Variants in KGD4 observed in about 807,000 individuals in gnomAD.
KGD4 encodes the protein alpha-ketoglutarate dehydrogenase component 4.
chr5:69,224,283 C>T, the KGD4 span, among the ~76,000 whole-genome samples: 36 of 150,646 alleles, frequency 2.4e-4, 1 homozygote, highest in African/African-American at 8.0e-4. Context: ...CCTGGCTACT[C>T]AGGAGGCTGA....
the KGD4 span, among the ~76,000 whole-genome samples, chr5:69,220,341 C>T: frequency 1.4e-3 from 217 of 152,208 alleles, no homozygotes; most frequent in African/African-American, 4.9e-3. Context: ...AGTCACAAAG[C>T]GTGGTCTCAG....
At chr5:69,227,487 C>A in the KGD4 span, among the ~76,000 whole-genome samples, 172 of 152,134 alleles carry the variant, frequency 1.1e-3, no homozygotes, top group Middle Eastern at 0.01. Context: ...TGATTCCCGC[C>A]CTTTTTTAAA....
the KGD4 span, chr5:69,217,797 T>A: frequency 7.5e-6 from 12 of 1,608,230 alleles, no homozygotes; most frequent in Non-Finnish European, 1.0e-5. Flanking sequence ...CGCGGCTCGC[T>A]CGCGCCCCGG....
At chr5:69,226,237 G>C in the KGD4 span, 1 of 805,998 alleles carries the variant, frequency 1.2e-6, no homozygotes, top group South Asian at 1.7e-5. Flanking sequence ...TAAAGTTGCT[G>C]TAAAATAGTA....
chr5:69,218,403 C>T, the KGD4 span, among the ~76,000 whole-genome samples: 1 of 152,120 alleles, frequency 6.6e-6, no homozygotes, highest in African/African-American at 2.4e-5. Flanking sequence ...AAGCGTCTGG[C>T]TACAGGCCAG....
the KGD4 span, among the ~76,000 whole-genome samples, chr5:69,228,978 G>T: frequency 7.9e-6 from 1 of 126,212 alleles, no homozygotes. Flanking sequence ...TCACGCCACT[G>T]CACTCTAGCT....
chr5:69,225,567 CTTT>C, the KGD4 span, among the ~76,000 whole-genome samples: 2 of 120,256 alleles, frequency 1.7e-5, no homozygotes, highest in Admixed American at 9.0e-5. Context: ...GCTCAGCCAC[CTTT>C]TTTTTTTTTT....
the KGD4 span, among the ~76,000 whole-genome samples, chr5:69,220,543 C>T: frequency 3.3e-5 from 5 of 150,802 alleles, no homozygotes; most frequent in East Asian, 2.0e-4. Flanking sequence ...CGCCTCTGCC[C>T]GGCCGCCCCG....
chr5:69,222,619 G>T, the KGD4 span, among the ~76,000 whole-genome samples: 11 of 152,054 alleles, frequency 7.2e-5, no homozygotes, highest in African/African-American at 2.7e-4. Flanking sequence ...TTCTTGCTCA[G>T]GCTGGTCTCA....
the KGD4 span, among the ~76,000 whole-genome samples, chr5:69,220,516 G>A: frequency 2.6e-5 from 4 of 151,726 alleles, no homozygotes; most frequent in Non-Finnish European, 4.4e-5. Flanking sequence ...CAGCCGCCCC[G>A]TCTGGGAAGT....
At chr5:69,223,074 CT>C in the KGD4 span, among the ~76,000 whole-genome samples, 32 of 59,128 alleles carry the variant, frequency 5.4e-4, no homozygotes, top group South Asian at 3.4e-3. Flanking sequence ...CGGTGCGCAG[CT>C]TTTTTTTTTT....
chr5:69,218,383 C>T, the KGD4 span, among the ~76,000 whole-genome samples: 1 of 152,234 alleles, frequency 6.6e-6, no homozygotes, highest in South Asian at 2.1e-4. Flanking sequence ...GGGTTCTCCC[C>T]AACCTCTCCA....
At chr5:69,229,292 CAG>C in the KGD4 span, 1 of 1,378,224 alleles carries the variant, frequency 7.3e-7, no homozygotes, top group Non-Finnish European at 1.0e-6. Context: ...TCCAAAATGA[CAG>C]ATGAGAAACT....
chr5:69,225,080 GAA>G, the KGD4 span, among the ~76,000 whole-genome samples: 1 of 104,946 alleles, frequency 9.5e-6, no homozygotes, highest in East Asian at 3.5e-4. Context: ...TCTGAAAAAA[GAA>G]AAAAAAAAAA....
chr5:69,226,249 T>C, the KGD4 span: 4 of 916,668 alleles, frequency 4.4e-6, no homozygotes, highest in Non-Finnish European at 5.1e-6. Context: ...AAAATAGTAA[T>C]TTTAACAAAC....
At chr5:69,229,256 T>C in the KGD4 span, 10 of 1,597,908 alleles carry the variant, frequency 6.3e-6, no homozygotes, top group East Asian at 2.2e-5. Context: ...CATCAGACAA[T>C]AGAATTGTCT....
chr5:69,227,725 A>G, the KGD4 span, among the ~76,000 whole-genome samples: 2 of 152,258 alleles, frequency 1.3e-5, no homozygotes, highest in African/African-American at 4.8e-5. Flanking sequence ...GTTATGTGAC[A>G]TAAGCTTAAG....
the KGD4 span, chr5:69,229,079 A>G: frequency 2.8e-6 from 2 of 709,710 alleles, no homozygotes; most frequent in East Asian, 5.8e-5. Flanking sequence ...AGTTTTGACT[A>G]ATTCAAAACT....
the KGD4 span, chr5:69,228,091 G>A: frequency 1.1e-3 from 897 of 840,798 alleles, 3 homozygotes; most frequent in African/African-American, 0.015. Flanking sequence ...GTTATTTGAA[G>A]AATGACTTCA....
Sources: allele counts gnomAD v4.1 joint callset (sites outside exome capture counted in the v4.1 genomes callset), GRCh38; gene constraint gnomAD v4.1.1; transcripts MANE v1.5; gene names NCBI Gene and HGNC (gene_info 2026-07-23, HGNC 2026-07-21).